The following TF variants were observed in gnomAD, a reference collection of about 807,000 sequenced individuals.
TF encodes the protein serotransferrin.
Under a neutral mutation model 82.4 loss-of-function variants are expected in TF, and 55 were observed. The observed-to-expected ratio is 0.67, with a 90% CI of 0.54 to 0.84. The LOEUF (loss-of-function observed/expected upper bound fraction) is 0.84, where lower values mean the gene tolerates loss of function less well. Among genes scored for constraint, TF ranks in the 40% least tolerant of loss-of-function variants. The pLI is 0.00. For missense variants in TF, 737 were observed against 868.4 expected, an observed-to-expected ratio of 0.85 and a Z score of 1.90; for synonymous variants, 332 against 332.6, an observed-to-expected ratio of 1.00 and a Z score of 0.02.
rs985222218 is a variant in TF, at chr3:133,793,134, T to A, written c.*14514T>A. 1 of 152,126 alleles carries A rather than the reference T, an allele frequency of 6.6e-6. No individual in the cohort carries two copies. The highest frequency in any genetic ancestry group is 6.5e-5 in the Admixed American group (1 of 15,282). The allele number at this position is 152,126 out of a possible 1,614,324, so 9.4% of individuals were successfully genotyped here. Reference sequence around the variant, plus strand: ...TGCAGTATTAAAAGATAATGAAAGATCTTTGTTTGCCTTTTGAATAAACTA... The same window carrying A: ...TGCAGTATTAAAAGATAATGAAAGAACTTTGTTTGCCTTTTGAATAAACTA... On this transcript the variant is annotated 3_prime_UTR_variant, in exon 17 of 17. Coordinates refer to ENST00000402696, the MANE Select transcript of TF (RefSeq NM_001063.4).
the TF span, among the ~76,000 whole-genome samples, chr3:133,723,656 T>C: frequency 3.1e-3 from 460 of 147,754 alleles, no homozygotes; most frequent in African/African-American, 0.011. Context: ...ATTATTATTA[T>C]TATTATTATT....
rs374704350 is a variant in TF, at chr3:133,748,591, C to T, written c.216+7C>T. On this transcript the variant is annotated splice_region_variant and intron_variant, in intron 2 of 16. Coordinates refer to ENST00000402696, the MANE Select transcript of TF (RefSeq NM_001063.4). ...TTGCATCAGGGCCATTGCGGTAAGT[C>T]GCTGCTGCCTAAAAGAGAGTGGAAG... 28 of 1,613,936 alleles carry T rather than the reference C, an allele frequency of 1.7e-5. No homozygotes were observed. In the South Asian group the frequency reaches 1.9e-4, roughly 11 times the overall value.
the TF span, among the ~76,000 whole-genome samples, chr3:133,706,709 G>A: frequency 1.3e-5 from 2 of 152,186 alleles, no homozygotes; most frequent in East Asian, 3.9e-4. Flanking sequence ...TGGGGAAGTT[G>A]AGGGATTTAG....
chr3:133,728,261 T>C, the TF span, among the ~76,000 whole-genome samples: 4 of 152,232 alleles, frequency 2.6e-5, no homozygotes, highest in Admixed American at 2.0e-4. Context: ...TCCAACTTGG[T>C]TCCATTCTCC....
chr3:133,732,394 G>A, the TF span, among the ~76,000 whole-genome samples: 2 of 152,104 alleles, frequency 1.3e-5, no homozygotes, highest in Admixed American at 6.5e-5. Context: ...TCTGTAAAAC[G>A]GACCAATCAG....
the TF span, among the ~76,000 whole-genome samples, chr3:133,697,117 C>T: frequency 6.6e-6 from 1 of 152,178 alleles, no homozygotes. Flanking sequence ...TTCAGTTATT[C>T]ACAATTCACT....
chr3:133,746,422 T>A lies in TF; in HGVS notation c.-19T>A, dbSNP rs1002358889. The A allele has an allele frequency of 6.3e-7, 1 of 1,595,120 alleles. No homozygotes were observed. Among genetic ancestry groups the A allele is most frequent in the Non-Finnish European group, 8.5e-7 (1 of 1,174,252 alleles). ...AAGCGAGTCCGACTGTGCTCGCTGCTCAGCGCCGCACCCGGAAGATGAGGC... is the reference window on the plus strand; with the variant it reads ...AAGCGAGTCCGACTGTGCTCGCTGCACAGCGCCGCACCCGGAAGATGAGGC... On this transcript the variant is annotated 5_prime_UTR_variant, in exon 1 of 17. Coordinates refer to ENST00000402696, the MANE Select transcript of TF (RefSeq NM_001063.4).
chr3:133,674,954 G>A, the TF span, among the ~76,000 whole-genome samples: 1 of 152,084 alleles, frequency 6.6e-6, no homozygotes, highest in Non-Finnish European at 1.5e-5. Context: ...TTAAATGGTT[G>A]AAAGGGAAAG....
In TF at chr3:133,766,274, G is replaced by A. The variant is rs370144239; in HGVS notation, c.1331-4G>A. 1 of 1,614,112 alleles carries A rather than the reference G, an allele frequency of 6.2e-7. No homozygotes were observed. The highest frequency in any genetic ancestry group is 8.5e-7 in the Non-Finnish European group (1 of 1,179,962). ...TACATCCTTTTCTGGTGTCTTTCTT[G>A]TAGGGTATTTTGCTATAGCAGTGGT... On this transcript the variant is annotated splice_region_variant and splice_polypyrimidine_tract_variant and intron_variant, in intron 11 of 16. Transcript: ENST00000402696.
At chr3:133,700,866 T>G in the TF span, 1 of 152,752 alleles carries the variant, frequency 6.5e-6, no homozygotes, top group East Asian at 1.9e-4. Flanking sequence ...CACCATCTCT[T>G]TTGTCCTTTG....
chr3:133,724,120 G>A, the TF span, among the ~76,000 whole-genome samples: 2 of 152,172 alleles, frequency 1.3e-5, no homozygotes, highest in African/African-American at 4.8e-5. Context: ...AAATATACGT[G>A]TGCATGTGTC....
chr3:133,677,535 G>A, the TF span, among the ~76,000 whole-genome samples: 2 of 152,120 alleles, frequency 1.3e-5, no homozygotes, highest in African/African-American at 4.8e-5. Flanking sequence ...TACTCGGGAG[G>A]CTGAGGCAGG....
the TF span, among the ~76,000 whole-genome samples, chr3:133,704,579 C>T: frequency 3.3e-5 from 5 of 152,280 alleles, no homozygotes; most frequent in East Asian, 5.8e-4. Flanking sequence ...AGAGCTGGCA[C>T]GGGGCTGCAA....
At chr3:133,709,838 C>T in the TF span, among the ~76,000 whole-genome samples, 2 of 152,218 alleles carry the variant, frequency 1.3e-5, no homozygotes, top group African/African-American at 2.4e-5. Flanking sequence ...GGTCCTCCTC[C>T]TTCTCATCCT....
the TF span, among the ~76,000 whole-genome samples, chr3:133,734,303 T>C: frequency 6.6e-6 from 1 of 152,136 alleles, no homozygotes; most frequent in African/African-American, 2.4e-5. Context: ...GTTACGTCCG[T>C]CACCTTAGAG....
chr3:133,667,499 T>A, the TF span, among the ~76,000 whole-genome samples: 5 of 152,086 alleles, frequency 3.3e-5, no homozygotes, highest in South Asian at 1.0e-3. Flanking sequence ...GTGGAAAAGA[T>A]CTAGTTAAAG....
chr3:133,728,166 C>T, the TF span, among the ~76,000 whole-genome samples: 60 of 151,948 alleles, frequency 3.9e-4, no homozygotes, highest in African/African-American at 1.4e-3. Flanking sequence ...ATCTTTGTGG[C>T]GTTCTCTGTA....
chr3:133,706,341 G>A, the TF span, among the ~76,000 whole-genome samples: 5 of 152,196 alleles, frequency 3.3e-5, no homozygotes, highest in Non-Finnish European at 5.9e-5. Context: ...TGGCAGGGGA[G>A]TTGATCAGTC....
At chr3:133,726,794 T>C in the TF span, among the ~76,000 whole-genome samples, 5 of 152,180 alleles carry the variant, frequency 3.3e-5, no homozygotes, top group Non-Finnish European at 5.9e-5. Flanking sequence ...TGTGGGCATT[T>C]AGTGCTATAA....
Sources: allele counts gnomAD v4.1 joint callset (sites outside exome capture counted in the v4.1 genomes callset), GRCh38; gene constraint gnomAD v4.1.1; transcripts MANE v1.5; gene names NCBI Gene and HGNC (gene_info 2026-07-23, HGNC 2026-07-21).